The following SOX6 variants were observed in gnomAD, a reference collection of about 807,000 sequenced individuals.
SOX6 encodes the protein SRY-box transcription factor 6, also known as transcription factor SOX-6.
Under a neutral mutation model 97.8 loss-of-function variants are expected in SOX6, and 11 were observed. That is an observed-to-expected ratio of 0.11 (90% CI 0.07 to 0.19). The LOEUF is 0.19. Ranked by LOEUF, SOX6 falls within the 10% of genes least tolerant of loss-of-function variation. The pLI is 1.00. For missense variants in SOX6, 810 were observed against 1,039.5 expected (o/e 0.78, Z 3.04); for synonymous variants, 360 against 371.4 (o/e 0.97, Z 0.35).
chr11:16,043,212 G>A (rs1361691285), intron 12 of SOX6, among the ~76,000 whole-genome samples: 1 of 152,146 alleles, frequency 6.6e-6, no homozygotes, highest in Non-Finnish European at 1.5e-5. Context: ...TTAGGCTATA[G>A]TATGATCTAA....
intron 3 of SOX6, among the ~76,000 whole-genome samples, chr11:16,689,328 G>A (rs755396952): frequency 3.9e-5 from 6 of 152,126 alleles, no homozygotes; most frequent in Non-Finnish European, 7.4e-5. Context: ...CAAATGTAAT[G>A]TCTTCAATTC....
intron 15 of SOX6, among the ~76,000 whole-genome samples, chr11:15,977,813 C>T (rs894796271): frequency 6.6e-6 from 1 of 151,970 alleles, no homozygotes; most frequent in African/African-American, 2.4e-5. Flanking sequence ...CAATTACTTC[C>T]TACCTTCTTA....
chr11:16,352,609 T>A (rs893185032), intron 1 of SOX6, among the ~76,000 whole-genome samples: 1 of 152,136 alleles, frequency 6.6e-6, no homozygotes, highest in African/African-American at 2.4e-5. Flanking sequence ...GAATTAAAAG[T>A]GTCTGAAATC....
At chr11:16,254,661 A>C (rs1185273538) in intron 3 of SOX6, among the ~76,000 whole-genome samples, 1 of 152,050 alleles carries the variant, frequency 6.6e-6, no homozygotes, top group East Asian at 1.9e-4. Context: ...GGAATAATAT[A>C]AATGCTCGAT....
intron 13 of SOX6, among the ~76,000 whole-genome samples, chr11:15,991,815 C>G (rs562413488): frequency 6.6e-6 from 1 of 152,260 alleles, no homozygotes; most frequent in South Asian, 2.1e-4. Context: ...TTCTCTACTC[C>G]ATACCAATAG....
chr11:16,124,023 C>T (rs552142864), intron 6 of SOX6, among the ~76,000 whole-genome samples: 1 of 152,170 alleles, frequency 6.6e-6, no homozygotes, highest in East Asian at 1.9e-4. Context: ...ATGGAATGAT[C>T]TTTCCTCTCT....
intron 1 of SOX6, among the ~76,000 whole-genome samples, chr11:16,345,043 A>G (rs1005964715): frequency 6.6e-6 from 1 of 152,010 alleles, no homozygotes; most frequent in Non-Finnish European, 1.5e-5. Context: ...AATGCGCCCA[A>G]TTCTACTTTA....
intron 3 of SOX6, among the ~76,000 whole-genome samples, chr11:16,245,254 T>G (rs1166043763): frequency 6.6e-6 from 1 of 151,804 alleles, no homozygotes; most frequent in Non-Finnish European, 1.5e-5. Flanking sequence ...AAATGTTTCA[T>G]ATTGTTATTG....
rs531611055 is a variant in SOX6 at position 16,680,085 on chromosome 11, A to G, written n.429+34745T>C. Among the ~76,000 whole-genome samples, 6 of 152,284 alleles carry G rather than the reference A, an allele frequency of 3.9e-5. No individual in the cohort carries two copies. In the East Asian group the frequency reaches 7.7e-4, roughly 20 times the overall value. On this transcript the variant is annotated intron_variant and non_coding_transcript_variant, in intron 3 of 5. Transcript: ENST00000524520. ...CCCCAACCTAGCAAGGCAGGCCAAC[A>G]TTCAAATGCAGGAAATACAGAGAAC...
At chr11:16,647,979 T>C (rs1849038918) in intron 3 of SOX6, among the ~76,000 whole-genome samples, 1 of 151,956 alleles carries the variant, frequency 6.6e-6, no homozygotes, top group Non-Finnish European at 1.5e-5. Flanking sequence ...CAACTGAAAT[T>C]GGTAGTAGGT....
At chr11:16,020,148 T>C (rs948971474) in intron 12 of SOX6, among the ~76,000 whole-genome samples, 2 of 152,282 alleles carry the variant, frequency 1.3e-5, no homozygotes, top group Admixed American at 1.3e-4. Context: ...ACATTGGTGC[T>C]GAGGGGTCAG....
chr11:16,167,406 C>T (rs1485762514), intron 6 of SOX6, among the ~76,000 whole-genome samples: 1 of 152,148 alleles, frequency 6.6e-6, no homozygotes, highest in Non-Finnish European at 1.5e-5. Flanking sequence ...TCCTTCTACC[C>T]TTCCACCCTT....
intron 2 of SOX6, among the ~76,000 whole-genome samples, chr11:16,320,510 G>A (rs141981536): frequency 1.2e-3 from 184 of 152,228 alleles, no homozygotes; most frequent in Non-Finnish European, 1.8e-3. Flanking sequence ...AGCACATAAT[G>A]AGATTATATT....
At chr11:16,015,298 A>C in intron 12 of SOX6, 1 of 534,562 alleles carries the variant, frequency 1.9e-6, no homozygotes, top group Non-Finnish European at 3.4e-6. Flanking sequence ...CAGAGCTTCT[A>C]TGCATATCTT....
rs2133970797 is a variant in SOX6 at position 16,093,578 on chromosome 11, A to G, written c.1101+2418T>C. Among the ~76,000 whole-genome samples, 5 of 151,996 alleles carry G rather than the reference A, an allele frequency of 3.3e-5. No homozygotes were observed. In the Middle Eastern group the frequency reaches 0.014, roughly 414 times the overall value. On this transcript the variant is annotated intron_variant, in intron 9 of 15. Transcript: ENST00000683767. ...ACTGTAACATGAAGTAGAGAACACCATTTCTGAGTAATGCATGCAGTGGGG... is the reference window on the plus strand; with the variant it reads ...ACTGTAACATGAAGTAGAGAACACCGTTTCTGAGTAATGCATGCAGTGGGG...
intron 3 of SOX6, among the ~76,000 whole-genome samples, chr11:16,670,591 T>C (rs1444417228): frequency 6.6e-6 from 1 of 152,048 alleles, no homozygotes; most frequent in Non-Finnish European, 1.5e-5. Flanking sequence ...GGCCAGTCTA[T>C]CTCCCACAGA....
At chr11:16,687,050 G>C (rs1847974929) in intron 3 of SOX6, among the ~76,000 whole-genome samples, 1 of 152,174 alleles carries the variant, frequency 6.6e-6, no homozygotes, top group Non-Finnish European at 1.5e-5. Context: ...ACTTGAACGT[G>C]AGAGGCAGAA....
chr11:16,714,152 A>G (rs1049450334), intron 3 of SOX6, among the ~76,000 whole-genome samples: 2 of 152,264 alleles, frequency 1.3e-5, no homozygotes, highest in African/African-American at 4.8e-5. Context: ...AACACTATTT[A>G]TTACTGCAAA....
At chr11:16,091,871 A>G (rs768944730) in intron 9 of SOX6, among the ~76,000 whole-genome samples, 3 of 152,106 alleles carry the variant, frequency 2.0e-5, no homozygotes, top group Non-Finnish European at 2.9e-5. Flanking sequence ...TACTATCATT[A>G]TAAGAAATAG....
Sources: allele counts gnomAD v4.1 joint callset (sites outside exome capture counted in the v4.1 genomes callset), GRCh38; gene constraint gnomAD v4.1.1; transcripts MANE v1.5; gene names NCBI Gene and HGNC (gene_info 2026-07-23, HGNC 2026-07-21).